The following XRN1 variants were observed in gnomAD, a reference collection of about 807,000 sequenced individuals.
The protein encoded by XRN1 is 5'-3' exoribonuclease 1.
Under a neutral mutation model 222.3 loss-of-function variants are expected in XRN1, and 67 were observed. That is an observed-to-expected ratio of 0.30 (90% confidence interval 0.25 to 0.37). The LOEUF is 0.37. Ranked by LOEUF, XRN1 falls within the 10% of genes least tolerant of loss-of-function variation. The pLI is 1.00. For missense variants in XRN1, 1,707 were observed against 2,000.2 expected, an observed-to-expected ratio of 0.85 and a Z score of 2.80; for synonymous variants, 643 against 652.4, an observed-to-expected ratio of 0.99 and a Z score of 0.22.
At chr3:142,356,552 C>T (rs1337339780) in intron 31 of XRN1, among the ~76,000 whole-genome samples, 1 of 151,972 alleles carries the variant, frequency 6.6e-6, no homozygotes, top group African/African-American at 2.4e-5. Flanking sequence ...TAATCCTTGC[C>T]CTTTATCTTT....
chr3:142,376,022 A>G (rs1399304535), intron 24 of XRN1, 78 bp from the exon 25 acceptor site: 1 of 1,441,548 alleles, frequency 6.9e-7, no homozygotes, highest in East Asian at 2.5e-5. Flanking sequence ...ATGTCGTTCA[A>G]GGAACAAAAA....
chr3:142,332,915 G>A, intron 35 of XRN1, 52 bp downstream of exon 35: 2 of 1,600,330 alleles, frequency 1.2e-6, no homozygotes, highest in East Asian at 2.2e-5. Context: ...ATGTCTGCAT[G>A]GTCAACAGTC....
intron 2 of XRN1, among the ~76,000 whole-genome samples, chr3:142,428,907 C>G (rs377539035): frequency 8.5e-5 from 13 of 152,160 alleles, no homozygotes; most frequent in African/African-American, 3.1e-4. Flanking sequence ...ACATAGTAAT[C>G]AAAGCCATTG....
chr3:142,322,551 T>C (rs1440190755), intron 37 of XRN1, among the ~76,000 whole-genome samples: 1 of 151,206 alleles, frequency 6.6e-6, no homozygotes, highest in Non-Finnish European at 1.5e-5. Context: ...CCGGGTGGGG[T>C]TGCATGTGCC....
intron 30 of XRN1, among the ~76,000 whole-genome samples, chr3:142,357,430 A>AT (rs996680124): frequency 2.6e-4 from 34 of 128,834 alleles, no homozygotes; most frequent in East Asian, 4.0e-4. Context: ...TTATGAATTA[A>AT]TTTTTTTTTT....
chr3:142,416,007 G>A (rs1481710597), intron 13 of XRN1, among the ~76,000 whole-genome samples: 7 of 151,964 alleles, frequency 4.6e-5, no homozygotes, highest in African/African-American at 1.2e-4. Flanking sequence ...GCTTGAACCC[G>A]GGAAGGGGAG....
chr3:142,343,099 T>TA (rs1431836348), intron 33 of XRN1, among the ~76,000 whole-genome samples: 1 of 151,980 alleles, frequency 6.6e-6, no homozygotes, highest in Non-Finnish European at 1.5e-5. Context: ...ATAATCTCAT[T>TA]AAAAAATGAG....
At chr3:142,436,869 G>C (rs987594674) in intron 1 of XRN1, among the ~76,000 whole-genome samples, 2 of 152,002 alleles carry the variant, frequency 1.3e-5, no homozygotes, top group Admixed American at 1.3e-4. Flanking sequence ...ATGTTACTAG[G>C]GGTCAACCAT....
Position 142,403,853 on chromosome 3 carries a change from C to A in XRN1, c.2004+16G>T. 6.2e-7 allele frequency: 1 copy of A among 1,612,244 alleles called. No individual in the cohort carries two copies. On this transcript the variant is annotated intron_variant, in intron 17 of 40. Transcript: ENST00000392981. The stretch of plus-strand genomic sequence containing the variant: ...CTTAATAAAGTGAAAAAATTCTGAA[C>A]TAAATAGCCACTGACTTTGTGTCTG...
In XRN1 at chr3:142,314,185, G is replaced by A. The variant is rs955358937; in HGVS notation, c.4622-1427C>T. 5.3e-5 allele frequency among the ~76,000 whole-genome samples: 8 copies of A among 152,094 alleles called. 1 individual carries two copies. The highest frequency in any genetic ancestry group is 5.2e-4 in the Admixed American group (8 of 15,268). On this transcript the variant is annotated intron_variant, in intron 39 of 40. Coordinates refer to ENST00000392981, the MANE Select transcript of XRN1 (RefSeq NM_001282857.2). ...TTTAAAATGTTAATCTAATGCTTAAGTTGTTCTCTGCTGATTAACCTCCAA... is the reference window on the plus strand; with the variant it reads ...TTTAAAATGTTAATCTAATGCTTAAATTGTTCTCTGCTGATTAACCTCCAA...
At chr3:142,335,805 C>T (rs1216871321) in intron 33 of XRN1, among the ~76,000 whole-genome samples, 1 of 152,038 alleles carries the variant, frequency 6.6e-6, no homozygotes, top group Non-Finnish European at 1.5e-5. Context: ...GACATGGAAG[C>T]AGAAAGCAAG....
chr3:142,316,569 C>T (rs1202761655), intron 39 of XRN1, among the ~76,000 whole-genome samples: 4 of 152,154 alleles, frequency 2.6e-5, no homozygotes, highest in African/African-American at 9.7e-5. Flanking sequence ...CATTGCTCAT[C>T]TATTAATAAC....
chr3:142,412,425 G>A, intron 15 of XRN1, 119 bp downstream of exon 15: 1 of 1,314,182 alleles, frequency 7.6e-7, no homozygotes, highest in Non-Finnish European at 9.9e-7. Flanking sequence ...AATGAAGAGG[G>A]TAGCTAAATC....
chr3:142,327,327 G>T lies in XRN1; in HGVS notation c.4404+2107C>A, dbSNP rs112103982. ...TGGATTTCTTCATGGTTCAATCTTG[G>T]TATGTTTTTATGTGTCTCGGAATTC... On this transcript the variant is annotated intron_variant, in intron 37 of 40. Transcript: ENST00000392981. 5.0e-3 allele frequency among the ~76,000 whole-genome samples: 761 copies of T among 151,884 alleles called. 9 individuals are homozygous for T. The highest frequency in any genetic ancestry group is 0.018 in the African/African-American group (740 of 41,454).
At chr3:142,407,045 A>T (rs920228205) in intron 15 of XRN1, among the ~76,000 whole-genome samples, 1 of 152,248 alleles carries the variant, frequency 6.6e-6, no homozygotes, top group Admixed American at 6.5e-5. Context: ...GCTTTTGCTT[A>T]TAACAGCAAG....
intron 19 of XRN1, among the ~76,000 whole-genome samples, chr3:142,399,036 T>G (rs1470080676): frequency 1.3e-5 from 2 of 151,510 alleles, no homozygotes; most frequent in African/African-American, 4.9e-5. Context: ...AAAACAATGA[T>G]GAGAGAAATC....
chr3:142,357,960 C>T (rs999712016), intron 30 of XRN1, among the ~76,000 whole-genome samples: 2 of 152,120 alleles, frequency 1.3e-5, no homozygotes, highest in African/African-American at 4.8e-5. Flanking sequence ...ATTGCTTGAA[C>T]CTGGGAGATG....
Position 142,311,709 on chromosome 3 carries a change from A to G in XRN1, c.4887T>C (p.Ile1629=), listed in dbSNP as rs946730595. The change falls in exon 41 of 41, where the codon ATT becomes ATC. Residue 1629 remains isoleucine, a synonymous_variant. Transcript: ENST00000392981. ...AGCTCTCCCGTGGACTTACTTTGAC[A>G]ATGTTGGAAGAATCTGGCTGGCTAG... ...VQTSQPDSSN[I]VKVSPRESSS... The G allele has an allele frequency of 4.3e-6, 7 of 1,614,028 alleles. No individual in the cohort carries two copies. Among genetic ancestry groups the G allele is most frequent in the Admixed American group, 1.7e-5 (1 of 59,994 alleles).
chr3:142,442,774 C>T (rs1186819040), intron 1 of XRN1, among the ~76,000 whole-genome samples: 1 of 152,128 alleles, frequency 6.6e-6, no homozygotes, highest in East Asian at 1.9e-4. Flanking sequence ...CGCTCTGTTG[C>T]CCAGGCTGGA....
Sources: gnomAD v4.1 joint callset for allele counts (sites outside exome capture counted in the v4.1 genomes callset) on GRCh38, gnomAD v4.1.1 for gene constraint, MANE v1.5 for transcripts, NCBI Gene and HGNC (gene_info 2026-07-23, HGNC 2026-07-21) for gene names.